The following SPTB variants were observed in gnomAD, a reference collection of about 807,000 sequenced individuals.
SPTB encodes spectrin beta, erythrocytic.
SPTB carries 45 observed loss-of-function variants against 256.2 expected under a neutral mutation model. The ratio of observed to expected loss-of-function variants is 0.18; its 90% CI spans 0.14 to 0.23. SPTB has a LOEUF of 0.23. Ranked by LOEUF, SPTB falls within the 10% of genes least tolerant of loss-of-function variation. The probability of loss-of-function intolerance (pLI) is 1.00; values close to 1 mark genes in which losing one functional copy is unlikely to be tolerated. For synonymous variants in SPTB, 1,231 were observed against 1,243.1 expected, an observed-to-expected ratio of 0.99 and a Z score of 0.21; for missense variants, 2,715 against 3,040.4, an observed-to-expected ratio of 0.89 and a Z score of 2.52.
rs1217488732 is a variant in SPTB at position 64,749,888 on chromosome 14, C to T, written c.6776+93G>A. ...AAAAACCCCTGAGGAGCAGCTCAGG[C>T]CTGGCACTGGTCCCCTACAGAGGGC... On this transcript the variant is annotated intron_variant, in intron 34 of 35. Transcript: ENST00000644917. The surrounding 1 kb of genome is among the most constrained non-coding windows in gnomAD (Gnocchi z 4.7). 3.2e-6 allele frequency: 5 copies of T among 1,559,806 alleles called. No homozygotes were observed. In the African/African-American group the frequency reaches 6.8e-5, roughly 21 times the overall value.
intron 24 of SPTB, 26 bp downstream of exon 24, chr14:64,774,371 C>A (rs77421089): frequency 3.3e-5 from 52 of 1,577,788 alleles, no homozygotes; most frequent in Non-Finnish European, 4.3e-5. Context: ...ATCTCCTGAC[C>A]GAGTCACCAC....
intron 32 of SPTB, among the ~76,000 whole-genome samples, chr14:64,761,718 C>T (rs2082099706): frequency 6.6e-6 from 1 of 152,228 alleles, no homozygotes; most frequent in South Asian, 2.1e-4. Flanking sequence ...CTTCACCATG[C>T]CCACCACCTG....
At chr14:64,751,432 TATTTCTTAAAATA>T (rs1293368262) in intron 33 of SPTB, among the ~76,000 whole-genome samples, 1 of 152,124 alleles carries the variant, frequency 6.6e-6, no homozygotes, top group East Asian at 1.9e-4. Context: ...TATCCTCAAA[TATTTCTTAAAATA>T]ATTTTGAATA....
chr14:64,818,098 A>G (rs1369515988), intron 2 of SPTB, among the ~76,000 whole-genome samples: 2 of 152,236 alleles, frequency 1.3e-5, no homozygotes, highest in African/African-American at 4.8e-5. Flanking sequence ...TCTAGCTTGC[A>G]GCACCACTTG....
At chr14:64,801,453 G>A in intron 6 of SPTB, 53 bp from the exon 7 acceptor site, 3 of 1,325,872 alleles carry the variant, frequency 2.3e-6, no homozygotes, top group Non-Finnish European at 3.3e-6. Flanking sequence ...TCCCCACCAG[G>A]AGGGCAGCCC....
intron 1 of SPTB, among the ~76,000 whole-genome samples, chr14:64,871,336 G>A (rs1882518716): frequency 6.6e-6 from 1 of 152,156 alleles, no homozygotes; most frequent in Non-Finnish European, 1.5e-5. Flanking sequence ...TTTAAGTAGA[G>A]GGTTTGTGAT....
intron 1 of SPTB, among the ~76,000 whole-genome samples, chr14:64,869,222 T>C (rs897373923): frequency 2.0e-5 from 3 of 152,164 alleles, no homozygotes; most frequent in Non-Finnish European, 4.4e-5. Flanking sequence ...TAAATACACA[T>C]GAAAACTCTC....
At chr14:64,865,249 C>T (rs772661775) in intron 1 of SPTB, among the ~76,000 whole-genome samples, 3 of 151,872 alleles carry the variant, frequency 2.0e-5, no homozygotes, top group Non-Finnish European at 2.9e-5. Flanking sequence ...CTCTGCTGCT[C>T]ACAAAGAATT....
chr14:64,828,213 A>G (rs1185241011), intron 1 of SPTB, among the ~76,000 whole-genome samples: 1 of 149,442 alleles, frequency 6.7e-6, no homozygotes, highest in Non-Finnish European at 1.5e-5. Context: ...GTCACCCGGC[A>G]GGGGCTTTAC....
intron 31 of SPTB, 112 bp from the exon 32 acceptor site, chr14:64,766,913 C>G: frequency 7.4e-7 from 1 of 1,344,818 alleles, no homozygotes; most frequent in South Asian, 1.2e-5. Context: ...AATAGCTCCC[C>G]CTCCAGTCAG....
chr14:64,750,145 G>C lies in SPTB; in HGVS notation c.6612C>G (p.Asn2204Lys). Residue 2204 changes from asparagine to lysine, a missense_variant, in exon 34 of 36, where the codon AAC (asparagine) becomes AAG (lysine). By Grantham distance (94) the Asn-to-Lys change is moderately conservative. Transcript: ENST00000644917. Reference protein sequence around the residue: ...PNKKASNRSWNNLYCVLRNSE... With the variant: ...PNKKASNRSWKNLYCVLRNSE... ...TGTTCCTGAGCACACAGTACAGGTT[G>C]TTCCAGGACCTGCAAAGATGCAGAC... 1.2e-6 allele frequency: 2 copies of C among 1,611,614 alleles called. No individual in the cohort carries two copies. Among genetic ancestry groups the C allele is most frequent in the Non-Finnish European group, 1.7e-6 (2 of 1,177,920 alleles).
Position 64,786,750 on chromosome 14 carries a change from T to A in SPTB, c.3215A>T (p.Asp1072Val), listed in dbSNP as rs777736294. Reference protein sequence around the residue: ...QLQAFLQDLDDFQAWLSITQK... With the variant: ...QLQAFLQDLDVFQAWLSITQK... ...GGTGATGGAGAGCCAGGCCTGGAAG[T>A]CATCCAGATCCTGCAGGAAGGCCTG... The change falls in exon 16 of 36, where the codon GAC becomes GTC. Residue 1072 changes from aspartate (D) to valine (V), a missense_variant. This residue lies in a region of SPTB where 2,239 missense variants were observed against 2,384.4 expected (regional missense o/e 0.94). Transcript: ENST00000644917. This position sits in a 1 kb window ranked among gnomAD's most constrained non-coding sequence, Gnocchi z 5.6. 1.9e-6 allele frequency: 3 copies of A among 1,613,924 alleles called. No homozygotes were observed. The highest frequency in any genetic ancestry group is 2.5e-6 in the Non-Finnish European group (3 of 1,180,006).
chr14:64,780,145 CA>C (rs1331636497), intron 20 of SPTB, among the ~76,000 whole-genome samples: 1 of 152,118 alleles, frequency 6.6e-6, no homozygotes, highest in Non-Finnish European at 1.5e-5. Flanking sequence ...CTACCCACTG[CA>C]AAAGGGGTTG....
Position 64,805,010 on chromosome 14 carries a change from C to G in SPTB, c.229G>C (p.Asp77His). Residue 77 changes from aspartate to histidine, a missense_variant, in exon 3 of 36, where the codon GAT becomes CAT. By Grantham distance (81) the Asp-to-His change is moderately conservative. Coordinates refer to ENST00000644917, the MANE Select transcript of SPTB (RefSeq NM_001355436.2). ...CCATCCCGCAGGTCCTTGTAGAGATCGGTGATGCGGCAGGACACTCGAGCC... is the reference window on the plus strand; with the variant it reads ...CCATCCCGCAGGTCCTTGTAGAGATGGGTGATGCGGCAGGACACTCGAGCC... Reference protein sequence around the residue: ...HLARVSCRITDLYKDLRDGRM... With the variant: ...HLARVSCRITHLYKDLRDGRM... 1 of 1,614,126 alleles carries G rather than the reference C, an allele frequency of 6.2e-7. No individual in the cohort carries two copies. Among genetic ancestry groups the G allele is most frequent in the Non-Finnish European group, 8.5e-7 (1 of 1,180,034 alleles).
chr14:64,870,648 A>G (rs1379480937), intron 1 of SPTB, among the ~76,000 whole-genome samples: 3 of 152,254 alleles, frequency 2.0e-5, no homozygotes, highest in Non-Finnish European at 4.4e-5. Context: ...TGGCCCCCAA[A>G]ATGAGGATAA....
At chr14:64,766,272 G>T in intron 32 of SPTB, 1 of 538,654 alleles carries the variant, frequency 1.9e-6, no homozygotes, top group South Asian at 3.4e-5. Flanking sequence ...ATTTGTGTGT[G>T]CATGCATGTG....
rs369826246 is a variant in SPTB at position 64,785,995 on chromosome 14, G to A, written c.3562-44C>T. On this transcript the variant is annotated intron_variant, in intron 16 of 35. Transcript: ENST00000644917. This position sits in a 1 kb window ranked among gnomAD's most constrained non-coding sequence, Gnocchi z 4.4. Reference sequence around the variant, plus strand: ...AGACAAGGCATGAAGACACACGGAGGAGGTGATGAGCACACCTCCCAAGTG... The same window carrying A: ...AGACAAGGCATGAAGACACACGGAGAAGGTGATGAGCACACCTCCCAAGTG... The A allele has an allele frequency of 1.0e-5, 16 of 1,601,316 alleles. No homozygotes were observed. The African/African-American group carries it at 2.0e-4, about 20-fold the overall frequency.
intron 32 of SPTB, among the ~76,000 whole-genome samples, chr14:64,761,179 C>G (rs1054138440): frequency 1.3e-5 from 2 of 152,164 alleles, no homozygotes; most frequent in Non-Finnish European, 2.9e-5. Context: ...TGCCCTCGCC[C>G]GGTGTCTGAT....
chr14:64,796,069 T>G lies in SPTB; in HGVS notation c.1342-430A>C, dbSNP rs2139605049. Reference sequence around the variant, plus strand: ...CATACACTCTCCAGTGCTCTCAGAATACTTGTTGCCCCCTTTCTGGACAGA... The same window carrying G: ...CATACACTCTCCAGTGCTCTCAGAAGACTTGTTGCCCCCTTTCTGGACAGA... On this transcript the variant is annotated intron_variant, in intron 11 of 35. Transcript: ENST00000644917. This position sits in a 1 kb window ranked among gnomAD's most constrained non-coding sequence, Gnocchi z 4.1. Among the ~76,000 whole-genome samples, 1 of 152,314 alleles carries G rather than the reference T, an allele frequency of 6.6e-6. No individual in the cohort carries two copies. The highest frequency in any genetic ancestry group is 2.1e-4 in the South Asian group (1 of 4,828).
Sources: allele counts gnomAD v4.1 joint callset (sites outside exome capture counted in the v4.1 genomes callset), GRCh38; gene constraint gnomAD v4.1.1; regional missense constraint gnomAD v4.1.1; non-coding constraint Gnocchi (gnomAD v3.1); transcripts MANE v1.5; gene names NCBI Gene and HGNC (gene_info 2026-07-23, HGNC 2026-07-21).